The following ATP6V0E1 variants were observed in gnomAD, a reference collection of about 807,000 sequenced individuals.
ATP6V0E1 encodes the protein V-type proton ATPase subunit e 1.
In ATP6V0E1, 4 loss-of-function variants were observed where a neutral mutation model predicts 11.6. The ratio of observed to expected loss-of-function variants is 0.35; its 90% CI spans 0.17 to 0.79. The LOEUF is 0.79. ATP6V0E1 is among the 30% of genes least tolerant of loss of function. The pLI, the probability that ATP6V0E1 is intolerant of heterozygous loss-of-function variation, is 0.54. For synonymous variants in ATP6V0E1, 36 were observed against 34.8 expected (o/e 1.04, Z -0.13); for missense variants, 105 against 100.0 (o/e 1.05, Z -0.21).
rs1158447516 is a variant in ATP6V0E1, at chr5:173,027,178, CAAAAAAAAAAAAAAAA to C, written c.*36+6822_*36+6837del. ...TGGGTGACACAGCGAGACTCCGTCTCAAAAAAAAAAAAAAAAAAAAAAAAAATAGCCGGGCACGGTG... is the reference window on the plus strand; with the variant it reads ...TGGGTGACACAGCGAGACTCCGTCTCAAAAAAAAAATAGCCGGGCACGGTG... On this transcript the variant is annotated intron_variant, in intron 3 of 3. Transcript: ENST00000519374. Among the ~76,000 whole-genome samples, 9 of 26,060 alleles carry C rather than the reference CAAAAAAAAAAAAAAAA, an allele frequency of 3.5e-4. No homozygotes were observed. The South Asian group carries it at 0.015, about 43-fold the overall frequency. The allele number at this position is 26,060 out of a possible 152,430, so 17.1% of individuals were successfully genotyped here. A position where few individuals can be genotyped will look rare whatever the true frequency, so the allele number is the denominator to read the frequency against.
At chr5:173,017,414 A>G (rs1383894375) in intron 2 of ATP6V0E1, among the ~76,000 whole-genome samples, 1 of 151,788 alleles carries the variant, frequency 6.6e-6, no homozygotes, top group Non-Finnish European at 1.5e-5. Context: ...GGCGCCTGTA[A>G]TCCCAACTAC....
At chr5:173,027,272 G>C (rs1739824114) in intron 3 of ATP6V0E1, among the ~76,000 whole-genome samples, 1 of 143,154 alleles carries the variant, frequency 7.0e-6, no homozygotes, top group African/African-American at 2.6e-5. Context: ...TGGATCACGA[G>C]ATCAGGAGAT....
At chr5:173,029,212 A>T (rs577838480) in intron 3 of ATP6V0E1, among the ~76,000 whole-genome samples, 10 of 152,302 alleles carry the variant, frequency 6.6e-5, no homozygotes, top group African/African-American at 2.4e-4. Flanking sequence ...TGGGGTGTTG[A>T]ATTAAGCCAT....
chr5:172,985,028 C>T lies in ATP6V0E1; in HGVS notation c.104+1064C>T, dbSNP rs556030593. ...TTGGGAGGCCAAGGCGGGCGGATCA[C>T]GAGGTCAGGAGATCGAGACCATCCT... On this transcript the variant is annotated intron_variant, in intron 1 of 3. Coordinates refer to ENST00000519374, the MANE Select transcript of ATP6V0E1 (RefSeq NM_003945.4). 7.2e-5 allele frequency among the ~76,000 whole-genome samples: 11 copies of T among 152,228 alleles called. No homozygotes were observed. In the East Asian group the frequency reaches 1.4e-3, roughly 19 times the overall value.
chr5:172,985,058 A>G (rs1179933065), intron 1 of ATP6V0E1, among the ~76,000 whole-genome samples: 1 of 152,158 alleles, frequency 6.6e-6, no homozygotes, highest in Non-Finnish European at 1.5e-5. Flanking sequence ...CATCCTGGCT[A>G]ACACGGTGAA....
intron 3 of ATP6V0E1, among the ~76,000 whole-genome samples, chr5:173,024,216 A>AAG (rs1491012740): frequency 7.1e-6 from 1 of 141,742 alleles, no homozygotes; most frequent in Non-Finnish European, 1.6e-5. Flanking sequence ...AAAAAAAAAA[A>AAG]GAAAGAAATA....
At chr5:172,998,482 G>A (rs182854316) in intron 2 of ATP6V0E1, among the ~76,000 whole-genome samples, 7 of 152,008 alleles carry the variant, frequency 4.6e-5, no homozygotes, top group Admixed American at 1.3e-4. Flanking sequence ...GTGATGGTAC[G>A]CACCTGTAGT....
chr5:172,984,975 C>T (rs1417916464), intron 1 of ATP6V0E1, among the ~76,000 whole-genome samples: 4 of 152,208 alleles, frequency 2.6e-5, no homozygotes, highest in East Asian at 3.9e-4. Context: ...GGCCAGGTGC[C>T]GTGGCTCACG....
At position 173,032,641 on chromosome 5, in the gene ATP6V0E1, A is replaced by G. The variant is rs190762514; in HGVS notation, c.*37-1758A>G. Among the ~76,000 whole-genome samples the G allele has an allele frequency of 4.6e-5, 7 of 152,012 alleles. No individual in the cohort carries two copies. The East Asian group carries it at 1.4e-3, about 29-fold the overall frequency. On this transcript the variant is annotated intron_variant, in intron 3 of 3. Coordinates refer to ENST00000519374, the MANE Select transcript of ATP6V0E1 (RefSeq NM_003945.4). ...TGATCTTGAGTGAAAACTATCCCCC[A>G]TTTGTATATGGTTTTTCAAAAGTGA...
intron 2 of ATP6V0E1, among the ~76,000 whole-genome samples, chr5:173,013,176 T>G (rs998460949): frequency 8.1e-5 from 12 of 148,544 alleles, no homozygotes; most frequent in African/African-American, 2.7e-4. Flanking sequence ...AGCAAGACAC[T>G]TGTGTTAAAA....
intron 2 of ATP6V0E1, among the ~76,000 whole-genome samples, chr5:173,017,407 G>A (rs772308151): frequency 5.9e-5 from 9 of 151,802 alleles, no homozygotes; most frequent in Admixed American, 2.6e-4. Flanking sequence ...GGTGGCAGGC[G>A]CCTGTAATCC....
intron 2 of ATP6V0E1, among the ~76,000 whole-genome samples, chr5:173,018,316 T>G (rs1250169561): frequency 6.6e-6 from 1 of 152,138 alleles, no homozygotes; most frequent in Non-Finnish European, 1.5e-5. Context: ...TGGATGAGCA[T>G]AAAGGTCTTC....
chr5:173,002,491 CG>C (rs1756172559), intron 2 of ATP6V0E1, among the ~76,000 whole-genome samples: 1 of 152,112 alleles, frequency 6.6e-6, no homozygotes, highest in Non-Finnish European at 1.5e-5. Flanking sequence ...GGTGGTAACA[CG>C]TTCTTCTGTA....
intron 2 of ATP6V0E1, among the ~76,000 whole-genome samples, chr5:173,006,770 T>C (rs1164915214): frequency 6.6e-6 from 1 of 152,194 alleles, no homozygotes; most frequent in African/African-American, 2.4e-5. Context: ...GTCACCTTCC[T>C]CTCTGAGTAC....
intron 2 of ATP6V0E1, among the ~76,000 whole-genome samples, chr5:173,011,750 G>T (rs1021646689): frequency 6.6e-6 from 1 of 152,100 alleles, no homozygotes; most frequent in African/African-American, 2.4e-5. Context: ...TGGCCCTCAG[G>T]TTATGAAGAC....
intron 1 of ATP6V0E1, 143 bp downstream of exon 1, chr5:172,984,107 G>T (rs1442099882): frequency 1.3e-6 from 1 of 770,944 alleles, no homozygotes; most frequent in African/African-American, 1.7e-5. Context: ...CGACCCGGCG[G>T]AACTCCTTGT....
intron 2 of ATP6V0E1, among the ~76,000 whole-genome samples, chr5:173,014,753 A>G (rs1281846960): frequency 7.1e-6 from 1 of 140,600 alleles, no homozygotes; most frequent in African/African-American, 2.7e-5. Flanking sequence ...GAGTAGCACA[A>G]TGGGTACAAA....
At chr5:173,007,662 C>G (rs117208792) in intron 2 of ATP6V0E1, among the ~76,000 whole-genome samples, 5 of 152,140 alleles carry the variant, frequency 3.3e-5, no homozygotes, top group African/African-American at 4.8e-5. Context: ...CTAAAAGATA[C>G]AAAGAAACTA....
At position 173,034,425 on chromosome 5, in the gene ATP6V0E1, T is replaced by A. The variant is rs1198625019; in HGVS notation, c.*63T>A. On this transcript the variant is annotated 3_prime_UTR_variant, in exon 4 of 4. Transcript: ENST00000519374. ...TCACGAGAAGAGAATGCCTTCTAGA[T>A]GCAAAATCACCTCCAAACCAGACCA... The A allele has an allele frequency of 5.7e-6, 4 of 703,052 alleles. No individual in the cohort carries two copies. The highest frequency in any genetic ancestry group is 1.0e-5 in the Non-Finnish European group (4 of 384,988). The allele number at this position is 703,052 out of a possible 1,614,324, so 43.6% of individuals were successfully genotyped here.
Sources: allele counts gnomAD v4.1 joint callset (sites outside exome capture counted in the v4.1 genomes callset), GRCh38; gene constraint gnomAD v4.1.1; transcripts MANE v1.5; gene names NCBI Gene and HGNC (gene_info 2026-07-23, HGNC 2026-07-21).